KMT5B: variants seen among roughly 807,000 people sequenced by gnomAD.
KMT5B encodes the protein histone-lysine N-methyltransferase KMT5B.
KMT5B carries 10 observed loss-of-function variants against 83.2 expected under a neutral mutation model. The ratio of observed to expected loss-of-function variants is 0.12; its 90% CI spans 0.07 to 0.20. The LOEUF (loss-of-function observed/expected upper bound fraction) is 0.20. KMT5B is among the 10% of genes least tolerant of loss of function. The pLI is 1.00. For missense variants in KMT5B, 753 were observed against 1,067.2 expected (o/e 0.71, Z 4.10); for synonymous variants, 349 against 388.8 (o/e 0.90, Z 1.20).
At chr11:68,200,199 G>C (rs1859257298) in intron 1 of KMT5B, among the ~76,000 whole-genome samples, 1 of 152,180 alleles carries the variant, frequency 6.6e-6, no homozygotes, top group Admixed American at 6.5e-5. Flanking sequence ...ACTCAGTGCA[G>C]ATCAATGAAG....
chr11:68,160,619 C>T (rs1035664515), intron 10 of KMT5B, among the ~76,000 whole-genome samples: 1 of 152,160 alleles, frequency 6.6e-6, no homozygotes, highest in Admixed American at 6.5e-5. Context: ...ATTCCTTCCG[C>T]CCAGCTAAGC....
chr11:68,190,283 G>A (rs904254370), intron 1 of KMT5B, 131 bp from the exon 2 acceptor site: 4 of 535,962 alleles, frequency 7.5e-6, no homozygotes, highest in Non-Finnish European at 1.3e-5. Flanking sequence ...TGATGTTTTG[G>A]TCAATGACAG....
Position 68,171,286 on chromosome 11 carries a change from G to A in KMT5B, c.821-35C>T, listed in dbSNP as rs1220621290. ...GTCCAAAAGATAAAGTCAATTAACT[G>A]TTGATAAGATCTGAAACACGAACAA... On this transcript the variant is annotated intron_variant, in intron 7 of 10. Transcript: ENST00000304363. The surrounding 1 kb of genome is among the most constrained non-coding windows in gnomAD (Gnocchi z 5.1). The A allele has an allele frequency of 1.9e-6, 3 of 1,605,208 alleles. No individual in the cohort carries two copies. The highest frequency in any genetic ancestry group is 2.6e-6 in the Non-Finnish European group (3 of 1,175,118).
chr11:68,181,364 C>T (rs574762935), intron 3 of KMT5B, among the ~76,000 whole-genome samples: 5 of 152,280 alleles, frequency 3.3e-5, no homozygotes, highest in Admixed American at 2.6e-4. Context: ...TGAGCCATCA[C>T]GCCCGGGCTA....
At chr11:68,165,791 T>C (rs981195367) in intron 10 of KMT5B, 35 of 1,568,730 alleles carry the variant, frequency 2.2e-5, no homozygotes, top group Non-Finnish European at 2.9e-5. Context: ...TTGTTCACTC[T>C]GGACATTAAC....
intron 1 of KMT5B, among the ~76,000 whole-genome samples, chr11:68,200,230 G>A (rs1174614665): frequency 1.3e-5 from 2 of 152,140 alleles, no homozygotes; most frequent in Admixed American, 6.5e-5. Context: ...GGGTGTCGGG[G>A]GCACTTTAAC....
At chr11:68,199,502 G>A (rs1859150484) in intron 1 of KMT5B, among the ~76,000 whole-genome samples, 2 of 152,160 alleles carry the variant, frequency 1.3e-5, no homozygotes, top group African/African-American at 2.4e-5. Context: ...GGAGGATGAG[G>A]TCAGAGAGGC....
chr11:68,177,101 G>A (rs1428952687), intron 4 of KMT5B, among the ~76,000 whole-genome samples: 1 of 152,116 alleles, frequency 6.6e-6, no homozygotes, highest in East Asian at 1.9e-4. Context: ...TGTATACAGT[G>A]GCATATGAAG....
chr11:68,208,979 A>AG (rs1860521492), intron 1 of KMT5B, among the ~76,000 whole-genome samples: 1 of 152,136 alleles, frequency 6.6e-6, no homozygotes. Flanking sequence ...TTCCTTTCCA[A>AG]GGGGGAAAGT....
Position 68,158,016 on chromosome 11 carries a change from A to G in KMT5B, c.2330T>C (p.Leu777Ser). The stretch of plus-strand genomic sequence containing the variant: ...CTCATCTCGTTTTAGCTGGATTTTT[A>G]ATTTTGTAGAACTACTGCCTGATCC... ...NSGSGSSSTKLKIQLKRDEEN... is the reference protein window; with the variant it reads ...NSGSGSSSTKSKIQLKRDEEN... The change falls in exon 11 of 11, where the codon TTA (leucine) becomes TCA (serine). Residue 777 changes from leucine to serine, a missense_variant. By Grantham distance (145) the Leu-to-Ser change is moderately radical. Around this residue, in one of 9 missense-constraint regions of KMT5B, gnomAD observed 161 missense variants for 195.1 expected, o/e 0.83. Transcript: ENST00000304363. The G allele has an allele frequency of 1.2e-6, 2 of 1,614,112 alleles. No individual in the cohort carries two copies. The highest frequency in any genetic ancestry group is 1.7e-6 in the Non-Finnish European group (2 of 1,180,020).
Position 68,158,954 on chromosome 11 carries a change from C to G in KMT5B, c.1392G>C (p.Lys464Asn). ...LRNHCKRLEQ[K>N]NASRKLEMGN... ...CCATTTCGAGTTTTCTTGAAGCATTCTTTTGCTCCAGCCGCTTGCAATGAT... is the reference window on the plus strand; with the variant it reads ...CCATTTCGAGTTTTCTTGAAGCATTGTTTTGCTCCAGCCGCTTGCAATGAT... The change falls in exon 11 of 11, where the codon AAG becomes AAC. Residue 464 changes from lysine (K) to asparagine (N), a missense_variant. Transcript: ENST00000304363. The G allele has an allele frequency of 6.2e-7, 1 of 1,613,440 alleles. No homozygotes were observed. The highest frequency in any genetic ancestry group is 8.5e-7 in the Non-Finnish European group (1 of 1,179,890).
At position 68,158,628 on chromosome 11, in the gene KMT5B, G is replaced by A; in HGVS notation, c.1718C>T (p.Pro573Leu). 1 of 1,614,134 alleles carries A rather than the reference G, an allele frequency of 6.2e-7. No individual in the cohort carries two copies. The highest frequency in any genetic ancestry group is 8.5e-7 in the Non-Finnish European group (1 of 1,180,042). The stretch of plus-strand genomic sequence containing the variant: ...TGGCTGCAGCTGTTCACCACTGTCG[G>A]GGCAAGGTTCCGTCACACTGCTTTT... Reference protein sequence around the residue: ...GYKSSVTEPCPDSGEQLQPAP... With the variant: ...GYKSSVTEPCLDSGEQLQPAP... The change falls in exon 11 of 11, where the codon CCC (proline) becomes CTC (leucine). Residue 573 changes from proline to leucine, a missense_variant. Pro to Leu is a moderately conservative substitution (Grantham distance 98). This residue lies in a region of KMT5B where 397 missense variants were observed against 395.9 expected (regional missense o/e 1.00). Coordinates refer to ENST00000304363, the MANE Select transcript of KMT5B (RefSeq NM_017635.5).
chr11:68,167,623 T>A (rs1214161866), intron 9 of KMT5B, among the ~76,000 whole-genome samples: 3 of 151,932 alleles, frequency 2.0e-5, no homozygotes, highest in Non-Finnish European at 2.9e-5. Context: ...ACCAGCTAAT[T>A]TTTAAATTTT....
At chr11:68,186,625 G>T (rs1857462055) in intron 2 of KMT5B, among the ~76,000 whole-genome samples, 1 of 152,320 alleles carries the variant, frequency 6.6e-6, no homozygotes, top group South Asian at 2.1e-4. Flanking sequence ...TTTAACTGTG[G>T]AAGAAAAGCA....
chr11:68,165,924 C>T lies in KMT5B; in HGVS notation c.1174+1058G>A, dbSNP rs762107606. 21 of 1,612,786 alleles carry T rather than the reference C, an allele frequency of 1.3e-5. No homozygotes were observed. The East Asian group carries it at 4.5e-4, about 34-fold the overall frequency. ...CAGTGACATTCACCATCATGGGAAA[C>T]ACCTTCCCTTTTCTTCAGGATTCTC... On this transcript the variant is annotated intron_variant, in intron 10 of 10. Coordinates refer to ENST00000304363, the MANE Select transcript of KMT5B (RefSeq NM_017635.5).
At position 68,155,982 on chromosome 11, in the gene KMT5B, C is replaced by G. The variant is rs1466704538; in HGVS notation, c.*1706G>C. ...TAAAAATGTTCATGAGTCTTAATTT[C>G]TATTTGGAACCTATGGGCAATCAAC... On this transcript the variant is annotated 3_prime_UTR_variant, in exon 11 of 11. Transcript: ENST00000304363. 1 of 152,184 alleles carries G rather than the reference C, an allele frequency of 6.6e-6. No individual in the cohort carries two copies. The highest frequency in any genetic ancestry group is 1.5e-5 in the Non-Finnish European group (1 of 68,036). The allele number at this position is 152,184 out of a possible 1,614,324, so 9.4% of individuals were successfully genotyped here. A position where few individuals can be genotyped will look rare whatever the true frequency, so the allele number is the denominator to read the frequency against.
Position 68,190,130 on chromosome 11 carries a change from G to C in KMT5B, c.-54C>G, listed in dbSNP as rs1857876703. Reference sequence around the variant, plus strand: ...TTAGTCACTCTCTTCAAATAGCTTAGAGAATACTTTCAATGTTCTCTCCTA... The same window carrying C: ...TTAGTCACTCTCTTCAAATAGCTTACAGAATACTTTCAATGTTCTCTCCTA... On this transcript the variant is annotated 5_prime_UTR_variant, in exon 2 of 11. Coordinates refer to ENST00000304363, the MANE Select transcript of KMT5B (RefSeq NM_017635.5). 1 of 1,535,250 alleles carries C rather than the reference G, an allele frequency of 6.5e-7. No individual in the cohort carries two copies. Among genetic ancestry groups the C allele is most frequent in the East Asian group, 2.3e-5 (1 of 44,130 alleles).
intron 10 of KMT5B, chr11:68,166,168 G>C: frequency 2.9e-6 from 4 of 1,360,134 alleles, no homozygotes; most frequent in Non-Finnish European, 3.8e-6. Flanking sequence ...TGCTTTAGTG[G>C]CAACTACAGA....
intron 10 of KMT5B, chr11:68,166,623 CTAATT>C: frequency 3.8e-6 from 4 of 1,045,612 alleles, no homozygotes; most frequent in Non-Finnish European, 4.6e-6. Context: ...TGTATAGAGT[CTAATT>C]TAATTCTACT....
Sources: allele counts gnomAD v4.1 joint callset (sites outside exome capture counted in the v4.1 genomes callset), GRCh38; gene constraint gnomAD v4.1.1; regional missense constraint gnomAD v4.1.1; non-coding constraint Gnocchi (gnomAD v3.1); transcripts MANE v1.5; gene names NCBI Gene and HGNC (gene_info 2026-07-23, HGNC 2026-07-21).